MCUB: variants seen among roughly 807,000 people sequenced by gnomAD.
MCUB encodes calcium uniporter regulatory subunit MCUb, mitochondrial.
A neutral mutation model predicts 41.4 loss-of-function variants in MCUB; 46 were observed. That is an observed-to-expected ratio of 1.11 (90% confidence interval 0.88 to 1.42). The LOEUF is 1.42. Ranked by LOEUF, MCUB falls within the 40% of genes most tolerant of loss-of-function variation. The pLI, the probability that MCUB is intolerant of heterozygous loss-of-function variation, is 0.00. For synonymous variants in MCUB, 148 were observed against 148.2 expected, an observed-to-expected ratio of 1.00 and a Z score of 0.01; for missense variants, 403 against 404.9, an observed-to-expected ratio of 1.00 and a Z score of 0.04.
chr4:109,565,768 A>C (rs1357776371), intron 1 of MCUB, among the ~76,000 whole-genome samples: 1 of 152,196 alleles, frequency 6.6e-6, no homozygotes, highest in Non-Finnish European at 1.5e-5. Flanking sequence ...TGGTAACAGA[A>C]TGAAGCATTA....
intron 1 of MCUB, chr4:109,561,126 G>A (rs1726618802): frequency 6.5e-6 from 1 of 152,790 alleles, no homozygotes; most frequent in Non-Finnish European, 1.5e-5. Flanking sequence ...AGGGGAAAGC[G>A]CTGAGTTTAA....
chr4:109,679,267 A>C (rs1302132427), intron 4 of MCUB, among the ~76,000 whole-genome samples: 1 of 152,226 alleles, frequency 6.6e-6, no homozygotes, highest in Non-Finnish European at 1.5e-5. Flanking sequence ...AGAGGCTGTA[A>C]TCTTAGCACT....
chr4:109,563,389 ATTG>A (rs1726687679), intron 1 of MCUB, among the ~76,000 whole-genome samples: 1 of 152,114 alleles, frequency 6.6e-6, no homozygotes, highest in African/African-American at 2.4e-5. Flanking sequence ...CAACTTAGAA[ATTG>A]TTTTCATCTT....
At chr4:109,635,503 A>G (rs1434325577) in intron 1 of MCUB, among the ~76,000 whole-genome samples, 2 of 152,180 alleles carry the variant, frequency 1.3e-5, no homozygotes, top group Non-Finnish European at 2.9e-5. Context: ...TTAAAAGGCT[A>G]GGGTAGGAGG....
At chr4:109,588,364 G>A (rs1727355872) in intron 1 of MCUB, among the ~76,000 whole-genome samples, 1 of 152,150 alleles carries the variant, frequency 6.6e-6, no homozygotes, top group Non-Finnish European at 1.5e-5. Flanking sequence ...TGTGTCCTTG[G>A]GCAGCAGCCG....
intron 1 of MCUB, among the ~76,000 whole-genome samples, chr4:109,649,951 A>T (rs923153806): frequency 6.6e-6 from 1 of 152,100 alleles, no homozygotes; most frequent in Non-Finnish European, 1.5e-5. Flanking sequence ...TGATTTGGGG[A>T]ATCTGAACCC....
At chr4:109,613,843 G>A (rs1728070040) in intron 1 of MCUB, among the ~76,000 whole-genome samples, 1 of 68,650 alleles carries the variant, frequency 1.5e-5, no homozygotes, top group Non-Finnish European at 2.9e-5. Flanking sequence ...AGAGAAATCA[G>A]GTATATACTC....
At chr4:109,599,323 CTG>C (rs751390131) in intron 1 of MCUB, among the ~76,000 whole-genome samples, 9 of 151,964 alleles carry the variant, frequency 5.9e-5, no homozygotes, top group African/African-American at 2.2e-4. Context: ...CCTCCTTTGG[CTG>C]TGTGTCTTAT....
At chr4:109,677,162 AC>A (rs1729592014) in intron 4 of MCUB, among the ~76,000 whole-genome samples, 2 of 152,126 alleles carry the variant, frequency 1.3e-5, no homozygotes, top group Non-Finnish European at 2.9e-5. Flanking sequence ...GTTGTTTACT[AC>A]CCTGTTGGGT....
At chr4:109,682,048 T>C (rs1252296501) in intron 4 of MCUB, among the ~76,000 whole-genome samples, 2 of 143,776 alleles carry the variant, frequency 1.4e-5, no homozygotes, top group Non-Finnish European at 3.0e-5. Context: ...CTCCTGTTTT[T>C]GCCTAATTAG....
At chr4:109,671,201 G>T (rs1376330375) in intron 4 of MCUB, among the ~76,000 whole-genome samples, 1 of 152,164 alleles carries the variant, frequency 6.6e-6, no homozygotes, top group Non-Finnish European at 1.5e-5. Flanking sequence ...CAGGAAACTG[G>T]AAGTCTTAAC....
At chr4:109,582,062 A>G (rs1727190423) in intron 1 of MCUB, among the ~76,000 whole-genome samples, 1 of 152,168 alleles carries the variant, frequency 6.6e-6, no homozygotes, top group Non-Finnish European at 1.5e-5. Context: ...TCATGCTGCT[A>G]TAAAGACACA....
intron 1 of MCUB, among the ~76,000 whole-genome samples, chr4:109,626,866 T>A (rs2126136925): frequency 6.6e-6 from 1 of 150,478 alleles, no homozygotes; most frequent in Non-Finnish European, 1.5e-5. Flanking sequence ...ATAGCGTTCG[T>A]ACTTGCAAGA....
At chr4:109,648,842 A>G (rs570231487) in intron 1 of MCUB, among the ~76,000 whole-genome samples, 5 of 152,246 alleles carry the variant, frequency 3.3e-5, no homozygotes, top group South Asian at 2.1e-4. Flanking sequence ...AAGCAAAACA[A>G]CTATGTAACT....
intron 4 of MCUB, among the ~76,000 whole-genome samples, 153 bp from the exon 5 acceptor site, chr4:109,682,429 T>C (rs1263729120): frequency 2.6e-5 from 4 of 152,340 alleles, no homozygotes; most frequent in African/African-American, 9.6e-5. Context: ...TTTTCAAATG[T>C]ATATTACACC....
intron 1 of MCUB, among the ~76,000 whole-genome samples, chr4:109,652,613 G>A (rs550192840): frequency 1.3e-5 from 2 of 152,094 alleles, no homozygotes; most frequent in African/African-American, 2.4e-5. Context: ...AATCAAACCC[G>A]CAGCCTCAGG....
At chr4:109,570,682 A>G (rs1336553993) in intron 1 of MCUB, among the ~76,000 whole-genome samples, 2 of 152,226 alleles carry the variant, frequency 1.3e-5, no homozygotes, top group Non-Finnish European at 1.5e-5. Context: ...AAGATTTTGG[A>G]AGTACTAATA....
chr4:109,659,383 A>C (rs1729176123), intron 2 of MCUB, among the ~76,000 whole-genome samples: 1 of 152,098 alleles, frequency 6.6e-6, no homozygotes, highest in South Asian at 2.1e-4. Context: ...TCAGCTCAGG[A>C]GTTTGGGACC....
chr4:109,572,808 TA>T (rs1726945119), intron 1 of MCUB, among the ~76,000 whole-genome samples: 8 of 152,164 alleles, frequency 5.3e-5, no homozygotes, highest in Non-Finnish European at 1.0e-4. Flanking sequence ...ACTACTACAA[TA>T]TAATTATTGC....
Sources: allele counts gnomAD v4.1 joint callset (sites outside exome capture counted in the v4.1 genomes callset), GRCh38; gene constraint gnomAD v4.1.1; transcripts MANE v1.5; gene names NCBI Gene and HGNC (gene_info 2026-07-23, HGNC 2026-07-21).